Variants in ARID1B observed in about 807,000 individuals in gnomAD.
ARID1B encodes AT-rich interactive domain-containing protein 1B.
A neutral mutation model predicts 212.3 loss-of-function variants in ARID1B; 30 were observed. That is an observed-to-expected ratio of 0.14 (90% CI 0.11 to 0.19). The LOEUF (loss-of-function observed/expected upper bound fraction) is 0.19. Ranked by LOEUF, ARID1B falls within the 10% of genes least tolerant of loss-of-function variation. The probability of loss-of-function intolerance (pLI) is 1.00; values close to 1 mark genes in which losing one functional copy is unlikely to be tolerated. For synonymous variants in ARID1B, 1,402 were observed against 1,301.7 expected, an observed-to-expected ratio of 1.08 and a Z score of -1.66; for missense variants, 2,891 against 3,204.0, an observed-to-expected ratio of 0.90 and a Z score of 2.36.
At chr6:157,153,614 C>CAAA (rs1790353628) in intron 8 of ARID1B, among the ~76,000 whole-genome samples, 1 of 152,122 alleles carries the variant, frequency 6.6e-6, no homozygotes. Flanking sequence ...ATAGGTGAGC[C>CAAA]AAAGTTTGCC....
intron 4 of ARID1B, among the ~76,000 whole-genome samples, chr6:156,950,196 A>C (rs1405758080): frequency 6.6e-6 from 1 of 152,214 alleles, no homozygotes; most frequent in African/African-American, 2.4e-5. Flanking sequence ...ATCACCTAAA[A>C]GAAGGCAAAA....
At chr6:156,986,458 C>G (rs1246896235) in intron 4 of ARID1B, among the ~76,000 whole-genome samples, 1 of 152,198 alleles carries the variant, frequency 6.6e-6, no homozygotes, top group Admixed American at 6.5e-5. Context: ...GTAAAATCAT[C>G]AGCATAAGAG....
chr6:157,037,766 T>TTGAATAGACCCAGTAAAAG (rs1305246806), intron 4 of ARID1B, among the ~76,000 whole-genome samples: 2 of 152,094 alleles, frequency 1.3e-5, no homozygotes, highest in Admixed American at 6.5e-5. Flanking sequence ...TCAAAAGCAG[T>TTGAATAGACCCAGTAAAAG]TGAATAGACC....
chr6:157,033,298 G>T (rs1486112448), intron 4 of ARID1B, among the ~76,000 whole-genome samples: 1 of 152,082 alleles, frequency 6.6e-6, no homozygotes, highest in East Asian at 1.9e-4. Flanking sequence ...CTTTAATTAT[G>T]AGTATCGTTC....
In ARID1B at chr6:157,190,528, T is replaced by C. The variant is rs1371702796; in HGVS notation, c.4231+318T>C. 6.6e-6 allele frequency among the ~76,000 whole-genome samples: 1 copy of C among 152,216 alleles called. No homozygotes were observed. Among genetic ancestry groups the C allele is most frequent in the Non-Finnish European group, 1.5e-5 (1 of 68,036 alleles). ...AAATTGGGAAAATAATAGGACCCGC[T>C]TCCAAAGGCATGGCGAGGATTAAGT... On this transcript the variant is annotated intron_variant, in intron 15 of 19. Coordinates refer to ENST00000636930, the MANE Select transcript of ARID1B (RefSeq NM_001374828.1). This position sits in a 1 kb window ranked among gnomAD's most constrained non-coding sequence, Gnocchi z 4.6.
chr6:156,786,674 G>A (rs533130067), intron 1 of ARID1B, among the ~76,000 whole-genome samples: 54 of 152,316 alleles, frequency 3.5e-4, no homozygotes, highest in Admixed American at 9.2e-4. Context: ...TGTGTATGCA[G>A]TGAGGTATAT....
At chr6:157,040,877 A>C (rs982538784) in intron 4 of ARID1B, among the ~76,000 whole-genome samples, 1 of 152,276 alleles carries the variant, frequency 6.6e-6, no homozygotes, top group Admixed American at 6.5e-5. Context: ...AGTATAGTAG[A>C]CAATAAGCAC....
chr6:157,022,109 G>C (rs983956125), intron 4 of ARID1B, among the ~76,000 whole-genome samples: 1 of 152,118 alleles, frequency 6.6e-6, no homozygotes, highest in South Asian at 2.1e-4. Flanking sequence ...CAGCAGGGCC[G>C]CGGAGCCCAG....
At chr6:156,859,495 T>A (rs1218501272) in intron 2 of ARID1B, among the ~76,000 whole-genome samples, 2 of 152,186 alleles carry the variant, frequency 1.3e-5, no homozygotes, top group Non-Finnish European at 2.9e-5. Context: ...CATTTTTTGT[T>A]TGGTGCCTTA....
intron 4 of ARID1B, among the ~76,000 whole-genome samples, chr6:157,065,682 G>T (rs1434399756): frequency 6.6e-6 from 1 of 152,188 alleles, no homozygotes; most frequent in Non-Finnish European, 1.5e-5. Context: ...CTGAGAGCAG[G>T]TCATATTTTC....
At chr6:157,102,673 C>T (rs1258384040) in intron 5 of ARID1B, among the ~76,000 whole-genome samples, 6 of 134,042 alleles carry the variant, frequency 4.5e-5, no homozygotes, top group African/African-American at 1.7e-4. Flanking sequence ...AGTACAGTGG[C>T]GCAATCTCTG....
chr6:157,184,214 G>T lies in ARID1B; in HGVS notation c.3715-17G>T. On this transcript the variant is annotated splice_polypyrimidine_tract_variant and intron_variant, in intron 12 of 19. Coordinates refer to ENST00000636930, the MANE Select transcript of ARID1B (RefSeq NM_001374828.1). ...CACTTTGTTGCAAACCAATGATCCT[G>T]CCGTGTTTTTCACTAGGTTAATAAA... is the stretch of plus-strand genomic sequence containing the variant. 6.3e-7 allele frequency: 1 copy of T among 1,591,660 alleles called. No homozygotes were observed. Among genetic ancestry groups the T allele is most frequent in the Admixed American group, 1.7e-5 (1 of 57,846 alleles).
chr6:157,046,325 GTGGC>G (rs1300035517), intron 4 of ARID1B, among the ~76,000 whole-genome samples: 1 of 152,194 alleles, frequency 6.6e-6, no homozygotes, highest in African/African-American at 2.4e-5. Context: ...AAGGCCTGGA[GTGGC>G]TGATGAGGAG....
chr6:156,875,137 G>A (rs1241171404), intron 2 of ARID1B, among the ~76,000 whole-genome samples: 1 of 152,210 alleles, frequency 6.6e-6, no homozygotes, highest in African/African-American at 2.4e-5. Flanking sequence ...ATTTGAGGCT[G>A]ATGGCCATTC....
intron 4 of ARID1B, among the ~76,000 whole-genome samples, chr6:157,069,315 T>A (rs1012527965): frequency 1.5e-4 from 23 of 152,216 alleles, no homozygotes; most frequent in Admixed American, 1.3e-4. Context: ...TTTATTGCTG[T>A]TGTCAGAATA....
intron 1 of ARID1B, among the ~76,000 whole-genome samples, chr6:156,793,813 A>G (rs774137172): frequency 9.2e-5 from 14 of 152,372 alleles, no homozygotes; most frequent in African/African-American, 3.1e-4. Flanking sequence ...AGAGCCATAA[A>G]TAACAGTGCT....
intron 4 of ARID1B, among the ~76,000 whole-genome samples, chr6:157,014,451 A>T (rs547762649): frequency 6.6e-6 from 1 of 152,352 alleles, no homozygotes; most frequent in Admixed American, 6.5e-5. Flanking sequence ...ATCAGCTATC[A>T]TATGAGTTTT....
chr6:157,056,344 G>A (rs983171979), intron 4 of ARID1B, among the ~76,000 whole-genome samples: 4 of 152,198 alleles, frequency 2.6e-5, no homozygotes, highest in African/African-American at 7.2e-5. Context: ...TTGGAAAAAT[G>A]AGAGTGGGAT....
At chr6:156,883,491 C>T (rs180946194) in intron 2 of ARID1B, among the ~76,000 whole-genome samples, 50 of 152,276 alleles carry the variant, frequency 3.3e-4, no homozygotes, top group Admixed American at 2.4e-3. Flanking sequence ...CCTCTCCTTG[C>T]TTTTCTTTAC....
Sources: allele counts gnomAD v4.1 joint callset (sites outside exome capture counted in the v4.1 genomes callset), GRCh38; gene constraint gnomAD v4.1.1; non-coding constraint Gnocchi (gnomAD v3.1); transcripts MANE v1.5; gene names NCBI Gene and HGNC (gene_info 2026-07-23, HGNC 2026-07-21).